Variants in NEDD1 observed in about 807,000 individuals in gnomAD.
NEDD1 encodes the protein protein NEDD1.
Under a neutral mutation model 74.0 loss-of-function variants are expected in NEDD1, and 33 were observed. That is an observed-to-expected ratio of 0.45 (90% CI 0.34 to 0.60). The LOEUF is 0.60. Ranked by LOEUF, NEDD1 falls within the 20% of genes least tolerant of loss-of-function variation. The probability of loss-of-function intolerance (pLI) is 0.01; values close to 1 mark genes in which losing one functional copy is unlikely to be tolerated. For synonymous variants in NEDD1, 250 were observed against 264.4 expected (o/e 0.95, Z 0.53); for missense variants, 746 against 776.5 (o/e 0.96, Z 0.47).
intron 15 of NEDD1, among the ~76,000 whole-genome samples, 169 bp from the exon 16 acceptor site, chr12:96,951,780 A>G (rs917793408): frequency 6.6e-6 from 1 of 151,816 alleles, no homozygotes; most frequent in African/African-American, 2.4e-5. Context: ...TAATTTCACC[A>G]ACGATCTTCC....
chr12:96,936,625 T>C lies in NEDD1; in HGVS notation c.734T>C (p.Leu245Ser), dbSNP rs374054564. 9.3e-6 allele frequency: 15 copies of C among 1,613,292 alleles called. No individual in the cohort carries two copies. In the Middle Eastern group the frequency reaches 4.9e-4, roughly 53 times the overall value. Reference protein sequence around the residue: ...DTSSKKLVKTLVADTPLTAVD... With the variant: ...DTSSKKLVKTSVADTPLTAVD... The stretch of plus-strand genomic sequence containing the variant: ...CCTTTCCAAAGGCTAGTGAAAACTT[T>C]AGTGGCTGACACTCCTCTAACTGCG... Residue 245 changes from leucine to serine, a missense_variant, in exon 8 of 16, where the codon TTA (leucine) becomes TCA (serine). Leu to Ser is a moderately radical substitution (Grantham distance 145). This residue lies in a region of NEDD1 where 706 missense variants were observed against 706.7 expected (regional missense o/e 1.00). Coordinates refer to ENST00000266742, the MANE Select transcript of NEDD1 (RefSeq NM_152905.4).
At chr12:96,915,939 C>T (rs937851052) in intron 4 of NEDD1, among the ~76,000 whole-genome samples, 3 of 152,140 alleles carry the variant, frequency 2.0e-5, no homozygotes, top group African/African-American at 7.2e-5. Flanking sequence ...CATTAGGTAG[C>T]CAATGGAGGT....
intron 10 of NEDD1, 54 bp from the exon 11 acceptor site, chr12:96,942,523 T>A: frequency 1.2e-6 from 1 of 867,252 alleles, no homozygotes; most frequent in Non-Finnish European, 1.9e-6. Context: ...AAGCCTAAAT[T>A]GATATGGTTT....
intron 10 of NEDD1, among the ~76,000 whole-genome samples, chr12:96,941,618 C>T (rs1366737081): frequency 2.0e-5 from 3 of 151,948 alleles, no homozygotes; most frequent in Admixed American, 1.3e-4. Flanking sequence ...TGCTGAATTG[C>T]GAGTTTTGGC....
chr12:96,909,567 G>C (rs1012657543), intron 2 of NEDD1, among the ~76,000 whole-genome samples, 185 bp from the exon 3 acceptor site: 1 of 152,156 alleles, frequency 6.6e-6, no homozygotes, highest in Admixed American at 6.5e-5. Flanking sequence ...CATTGGAAGG[G>C]TCAGCTAAGA....
chr12:96,920,464 T>C (rs1874950851), intron 6 of NEDD1, among the ~76,000 whole-genome samples: 1 of 152,194 alleles, frequency 6.6e-6, no homozygotes, highest in African/African-American at 2.4e-5. Context: ...GCTCAGATTT[T>C]GTCAGCTGCA....
chr12:96,935,002 G>C lies in NEDD1; in HGVS notation c.516G>C (p.Leu172Phe), dbSNP rs982220269. 6.2e-7 allele frequency: 1 copy of C among 1,608,720 alleles called. No individual in the cohort carries two copies. The highest frequency in any genetic ancestry group is 1.7e-5 in the Admixed American group (1 of 59,998). Residue 172 changes from leucine (L) to phenylalanine (F), a missense_variant, in exon 7 of 16, where the codon TTG becomes TTC. Leu to Phe is a conservative substitution (Grantham distance 22, BLOSUM62 0). This residue lies in a region of NEDD1 where 706 missense variants were observed against 706.7 expected (regional missense o/e 1.00). Coordinates refer to ENST00000266742, the MANE Select transcript of NEDD1 (RefSeq NM_152905.4). ...NQSVRHLKYS[L>F]FKKSLLGSVS... ...CTGTTCGGCACTTGAAGTACTCCTTGTTTAAGAAATCACTACTGGGCAGTG... is the reference window on the plus strand; with the variant it reads ...CTGTTCGGCACTTGAAGTACTCCTTCTTTAAGAAATCACTACTGGGCAGTG...
At chr12:96,941,685 GGAAGTGTTT>G (rs1401249675) in intron 10 of NEDD1, among the ~76,000 whole-genome samples, 1 of 152,008 alleles carries the variant, frequency 6.6e-6, no homozygotes, top group Admixed American at 6.6e-5. Context: ...GGGGCTTTTT[GGAAGTGTTT>G]GAGTTATAAA....
chr12:96,939,609 C>T (rs913601225), intron 9 of NEDD1, among the ~76,000 whole-genome samples: 4 of 152,008 alleles, frequency 2.6e-5, no homozygotes, highest in Non-Finnish European at 5.9e-5. Flanking sequence ...TGCTACCAAT[C>T]CTGATGGCAG....
At position 96,936,680 on chromosome 12, in the gene NEDD1, G is replaced by C. The variant is rs779646995; in HGVS notation, c.789G>C (p.Leu263Phe). 1.2e-6 allele frequency: 2 copies of C among 1,613,548 alleles called. No homozygotes were observed. The highest frequency in any genetic ancestry group is 2.7e-5 in the African/African-American group (2 of 74,882). Residue 263 changes from leucine to phenylalanine, a missense_variant, in exon 8 of 16, where the codon TTG becomes TTC. Physicochemically the swap from Leu to Phe is conservative, Grantham distance 22. Transcript: ENST00000266742. ...AVDFMPDGAT[L>F]AIGSSRGKIY... ...ATTTCATGCCTGATGGAGCCACTTT[G>C]GCTATTGGATCTTCCCGGGGGAAAA... is the stretch of plus-strand genomic sequence containing the variant.
Position 96,907,651 on chromosome 12 carries a change from G to T in NEDD1, c.-214G>T, listed in dbSNP as rs917735150. 6 of 1,550,774 alleles carry T rather than the reference G, an allele frequency of 3.9e-6. No homozygotes were observed. Among genetic ancestry groups the T allele is most frequent in the Admixed American group, 2.0e-5 (1 of 51,014 alleles). On this transcript the variant is annotated 5_prime_UTR_variant, in exon 2 of 16. Transcript: ENST00000266742. ...TTAGCCTCACTTGAGCTGTTGTCCTGCAAGTAAAGTGTATTTTTGGTGATT... is the reference window on the plus strand; with the variant it reads ...TTAGCCTCACTTGAGCTGTTGTCCTTCAAGTAAAGTGTATTTTTGGTGATT...
In NEDD1 at chr12:96,931,910, A is replaced by T. The variant is rs553930788; in HGVS notation, c.490-3066A>T. Among the ~76,000 whole-genome samples the T allele has an allele frequency of 1.4e-4, 21 of 152,156 alleles. 1 individual carries two copies. The highest frequency in any genetic ancestry group is 1.2e-3 in the South Asian group (6 of 4,816). On this transcript the variant is annotated intron_variant, in intron 6 of 15. Transcript: ENST00000266742. The stretch of plus-strand genomic sequence containing the variant: ...GTTTTTCTTCTTTGTGATAAAAAAA[A>T]TTTTTTTCTATTAAATAATTATCTT...
chr12:96,937,418 G>A, intron 9 of NEDD1, 25 bp downstream of exon 9: 2 of 1,383,048 alleles, frequency 1.4e-6, no homozygotes, highest in Non-Finnish European at 1.9e-6. Context: ...TATATTGTTG[G>A]AGGGTTGGTT....
intron 12 of NEDD1, among the ~76,000 whole-genome samples, chr12:96,944,392 T>C (rs554564588): frequency 6.6e-6 from 1 of 152,026 alleles, no homozygotes; most frequent in Non-Finnish European, 1.5e-5. Context: ...TAAATGATAC[T>C]TAACAGCAGG....
At position 96,909,770 on chromosome 12, in the gene NEDD1, A is replaced by T. The variant is rs1873710102; in HGVS notation, c.11A>T (p.Asn4Ile). 6.2e-7 allele frequency: 1 copy of T among 1,612,188 alleles called. No individual in the cohort carries two copies. The highest frequency in any genetic ancestry group is 2.2e-5 in the East Asian group (1 of 44,854). Residue 4 changes from asparagine (N) to isoleucine (I), a missense_variant, in exon 3 of 16, where the codon AAC becomes ATC. Asn to Ile is a moderately radical substitution (Grantham distance 149). This residue lies in a region of NEDD1 where 11 missense variants were observed against 19.0 expected (regional missense o/e 0.58). Coordinates refer to ENST00000266742, the MANE Select transcript of NEDD1 (RefSeq NM_152905.4). MQE[N>I]LRFASSGDDI... ...TTTGTAGGCGCAGTCATGCAGGAAAACCTCAGATTTGCTTCATCAGGAGAT... is the reference window on the plus strand; with the variant it reads ...TTTGTAGGCGCAGTCATGCAGGAAATCCTCAGATTTGCTTCATCAGGAGAT...
intron 6 of NEDD1, 148 bp from the exon 7 acceptor site, chr12:96,934,828 A>G (rs1565803283): frequency 1.6e-6 from 1 of 624,202 alleles, no homozygotes; most frequent in East Asian, 2.7e-5. Flanking sequence ...GTGAGCCACC[A>G]CGTCTGGCTG....
intron 2 of NEDD1, 66 bp downstream of exon 2, chr12:96,907,922 C>A (rs1486385982): frequency 7.9e-7 from 1 of 1,259,402 alleles, no homozygotes; most frequent in South Asian, 2.0e-5. Flanking sequence ...TTAAATCACC[C>A]GGCGAGTTGT....
intron 6 of NEDD1, among the ~76,000 whole-genome samples, chr12:96,922,437 A>G (rs1875205080): frequency 1.3e-5 from 2 of 152,190 alleles, no homozygotes; most frequent in Non-Finnish European, 2.9e-5. Context: ...TGACAAATTT[A>G]TAAATTTTGG....
At position 96,935,301 on chromosome 12, in the gene NEDD1, C is replaced by G. The variant is rs1876980272; in HGVS notation, c.719+96C>G. On this transcript the variant is annotated intron_variant, in intron 7 of 15. Transcript: ENST00000266742. The stretch of plus-strand genomic sequence containing the variant: ...ATTTATATAGACCTCTGATTAGTGT[C>G]CAGGGGTCCTAAAGTTTGTACAGTT... The G allele has an allele frequency of 4.1e-6, 3 of 724,158 alleles. No homozygotes were observed. The Admixed American group carries it at 7.3e-5, about 18-fold the overall frequency. The allele number at this position is 724,158 out of a possible 1,614,324, so 44.9% of individuals were successfully genotyped here.
Sources: gnomAD v4.1 joint callset for allele counts (sites outside exome capture counted in the v4.1 genomes callset) on GRCh38, gnomAD v4.1.1 for gene constraint, gnomAD v4.1.1 regional missense constraint, MANE v1.5 for transcripts, NCBI Gene and HGNC (gene_info 2026-07-23, HGNC 2026-07-21) for gene names.